Variants in UNC80 observed in about 807,000 individuals in gnomAD.
UNC80 encodes the protein unc-80 subunit of NALCN channel complex, also known as protein unc-80 homolog.
UNC80 carries 164 observed loss-of-function variants against 384.6 expected under a neutral mutation model. That is an observed-to-expected ratio of 0.43 (90% confidence interval 0.38 to 0.49). UNC80 has a LOEUF of 0.49. Among genes scored for constraint, UNC80 ranks in the 20% least tolerant of loss-of-function variants. UNC80 has a pLI of 0.00. For missense variants in UNC80, 3,330 were observed against 4,143.0 expected, an observed-to-expected ratio of 0.80 and a Z score of 5.39; for synonymous variants, 1,486 against 1,527.8, an observed-to-expected ratio of 0.97 and a Z score of 0.64.
rs1274534377 is a variant in UNC80 at position 209,896,495 on chromosome 2, A to G, written c.4581+82A>G. 9.7e-6 allele frequency: 11 copies of G among 1,131,972 alleles called. No homozygotes were observed. In the Middle Eastern group the frequency reaches 7.7e-4, roughly 79 times the overall value. 70.1% of individuals were successfully genotyped at this position (1,131,972 alleles called of 1,614,324 possible). A position where few individuals can be genotyped will look rare whatever the true frequency, so the allele number is the denominator to read the frequency against. ...ATCCAAGGAGGGAGGACAAGAGATT[A>G]TACTAAATCATCAATCCGATCTAGC... On this transcript the variant is annotated intron_variant, in intron 28 of 64. Coordinates refer to ENST00000673920, the MANE Select transcript of UNC80 (RefSeq NM_001371986.1).
At chr2:209,842,267 T>C (rs1190268671) in intron 20 of UNC80, 83 bp from the exon 21 acceptor site, 2 of 1,025,114 alleles carry the variant, frequency 2.0e-6, no homozygotes, top group Admixed American at 5.1e-5. Flanking sequence ...AAACAACTCA[T>C]TTTCAAGTCA....
chr2:209,929,441 G>GA (rs369524321), intron 36 of UNC80, among the ~76,000 whole-genome samples: 30 of 151,102 alleles, frequency 2.0e-4, no homozygotes, highest in African/African-American at 5.8e-4. Flanking sequence ...CATGTGGACA[G>GA]AAAAAAAAAT....
intron 49 of UNC80, 125 bp from the exon 50 acceptor site, chr2:209,958,994 A>G: frequency 2.7e-6 from 2 of 741,806 alleles, no homozygotes; most frequent in Non-Finnish European, 4.6e-6. Context: ...TAATATATGT[A>G]TATTTGTGAG....
At chr2:209,893,760 A>G (rs965300882) in intron 26 of UNC80, among the ~76,000 whole-genome samples, 4 of 152,190 alleles carry the variant, frequency 2.6e-5, no homozygotes, top group African/African-American at 9.6e-5. Context: ...TTCCAAAATG[A>G]AGGGGTTTAC....
rs16843934 is a variant in UNC80, at chr2:209,936,513, A to G, written c.6274-331A>G. ...AGTCCATCACTCAGTCTGAATTATA[A>G]TTGTACATCTTTGGGCACTATGAGA... On this transcript the variant is annotated intron_variant, in intron 40 of 64. Transcript: ENST00000673920. Among the ~76,000 whole-genome samples the G allele has an allele frequency of 4.4e-4, 67 of 152,284 alleles. No individual in the cohort carries two copies. In the East Asian group the frequency reaches 8.3e-3, roughly 19 times the overall value.
At chr2:209,946,052 C>A in intron 47 of UNC80, 109 bp downstream of exon 47, 1 of 835,216 alleles carries the variant, frequency 1.2e-6, no homozygotes, top group Non-Finnish European at 1.9e-6. Flanking sequence ...AACATTCTGA[C>A]AAGTAAGCTT....
chr2:209,844,382 T>A (rs2124826628), intron 21 of UNC80, among the ~76,000 whole-genome samples: 1 of 152,058 alleles, frequency 6.6e-6, no homozygotes, highest in East Asian at 1.9e-4. Context: ...CCTTCCTTCC[T>A]TCCTTCTCTT....
At chr2:209,886,558 G>A (rs1309198158) in intron 25 of UNC80, among the ~76,000 whole-genome samples, 17 of 152,016 alleles carry the variant, frequency 1.1e-4, no homozygotes, top group Non-Finnish European at 5.9e-5. Context: ...TACTTTCCTC[G>A]AGGCTTACTT....
At chr2:209,848,038 G>C (rs1014243715) in intron 21 of UNC80, among the ~76,000 whole-genome samples, 1 of 151,868 alleles carries the variant, frequency 6.6e-6, no homozygotes, top group Non-Finnish European at 1.5e-5. Flanking sequence ...TACTATTAAA[G>C]GGGTATATAT....
chr2:209,800,989 A>C (rs2153826281), intron 7 of UNC80, among the ~76,000 whole-genome samples: 1 of 152,260 alleles, frequency 6.6e-6, no homozygotes, highest in Non-Finnish European at 1.5e-5. Flanking sequence ...AGTCGATTTT[A>C]GAATAAGTGC....
At chr2:209,880,437 A>G (rs2085184181) in intron 24 of UNC80, among the ~76,000 whole-genome samples, 1 of 152,248 alleles carries the variant, frequency 6.6e-6, no homozygotes, top group Non-Finnish European at 1.5e-5. Context: ...CATTTGGACT[A>G]GAGCTGAAAC....
At chr2:209,840,375 T>C (rs890138650) in intron 19 of UNC80, among the ~76,000 whole-genome samples, 167 bp from the exon 20 acceptor site, 1 of 152,244 alleles carries the variant, frequency 6.6e-6, no homozygotes, top group Non-Finnish European at 1.5e-5. Context: ...TTTTATAGTC[T>C]AACACTGAAC....
chr2:209,845,070 G>T (rs146021058), intron 21 of UNC80: 1 of 148,362 alleles, frequency 6.7e-6, no homozygotes, highest in South Asian at 2.2e-4. Flanking sequence ...CTTGTGATGC[G>T]ATTTTAATGC....
At chr2:209,854,331 A>T (rs886706863) in intron 22 of UNC80, among the ~76,000 whole-genome samples, 3 of 152,126 alleles carry the variant, frequency 2.0e-5, no homozygotes, top group Admixed American at 6.6e-5. Flanking sequence ...TGTAGCATAA[A>T]AAAATGCTTG....
chr2:209,851,495 T>C (rs1156300351), intron 22 of UNC80, among the ~76,000 whole-genome samples: 2 of 152,132 alleles, frequency 1.3e-5, no homozygotes, highest in East Asian at 3.8e-4. Flanking sequence ...ATGTGAGTTA[T>C]AAGATACTCA....
intron 44 of UNC80, 101 bp from the exon 45 acceptor site, chr2:209,943,279 G>A: frequency 7.0e-7 from 1 of 1,425,038 alleles, no homozygotes; most frequent in Non-Finnish European, 9.4e-7. Context: ...TACAAAGTTA[G>A]CCATTTCCCT....
At chr2:209,975,913 A>C (rs1029801229) in intron 56 of UNC80, among the ~76,000 whole-genome samples, 2 of 152,248 alleles carry the variant, frequency 1.3e-5, no homozygotes, top group African/African-American at 2.4e-5. Flanking sequence ...AGTAATCTTC[A>C]TCAGAATCAA....
intron 7 of UNC80, chr2:209,809,397 T>G: frequency 4.7e-6 from 6 of 1,265,174 alleles, no homozygotes; most frequent in Middle Eastern, 1.8e-4. Flanking sequence ...CCCACACTGG[T>G]GAGAAGCCCT....
chr2:209,969,594 T>A, intron 52 of UNC80, 174 bp from the exon 53 acceptor site: 1 of 837,572 alleles, frequency 1.2e-6, no homozygotes, highest in Non-Finnish European at 1.8e-6. Flanking sequence ...TCTGCTACGT[T>A]TTCAGTATCT....
Sources: allele counts gnomAD v4.1 joint callset (sites outside exome capture counted in the v4.1 genomes callset), GRCh38; gene constraint gnomAD v4.1.1; transcripts MANE v1.5; gene names NCBI Gene and HGNC (gene_info 2026-07-23, HGNC 2026-07-21).